STAG1: variants seen among roughly 807,000 people sequenced by gnomAD.
STAG1 encodes the protein cohesin subunit SA-1.
In STAG1, 26 loss-of-function variants were observed where a neutral mutation model predicts 170.9. The observed-to-expected ratio is 0.15, with a 90% confidence interval of 0.11 to 0.21. The LOEUF (loss-of-function observed/expected upper bound fraction) is 0.21. Among genes scored for constraint, STAG1 ranks in the 10% least tolerant of loss-of-function variants. STAG1 has a pLI of 1.00. For synonymous variants in STAG1, 514 were observed against 497.7 expected (o/e 1.03, Z -0.44); for missense variants, 964 against 1,509.5 (o/e 0.64, Z 5.99).
chr3:136,340,191 G>C (rs573296882), intron 32 of STAG1, among the ~76,000 whole-genome samples: 2 of 152,052 alleles, frequency 1.3e-5, no homozygotes, highest in African/African-American at 4.8e-5. Flanking sequence ...TTTCGCTCTT[G>C]TTGTCCAGGC....
intron 16 of STAG1, among the ~76,000 whole-genome samples, chr3:136,433,181 C>G (rs2088360141): frequency 6.6e-6 from 1 of 151,926 alleles, no homozygotes; most frequent in Non-Finnish European, 1.5e-5. Flanking sequence ...GATAAGGAAA[C>G]TAAGACATAC....
chr3:136,707,187 A>C (rs532293677), intron 1 of STAG1, among the ~76,000 whole-genome samples: 1 of 152,198 alleles, frequency 6.6e-6, no homozygotes, highest in African/African-American at 2.4e-5. Flanking sequence ...CCATGTACCT[A>C]AAGAAAAATT....
chr3:136,566,904 C>T (rs970778201), intron 5 of STAG1, among the ~76,000 whole-genome samples: 2 of 152,004 alleles, frequency 1.3e-5, no homozygotes, highest in Admixed American at 1.3e-4. Context: ...ATGCAATGAG[C>T]CTGTGTTTTT....
intron 1 of STAG1, among the ~76,000 whole-genome samples, chr3:136,688,433 T>C (rs532404727): frequency 4.6e-5 from 7 of 152,266 alleles, no homozygotes; most frequent in African/African-American, 1.7e-4. Flanking sequence ...AGAATCTCAC[T>C]CTGTTGCCAA....
chr3:136,340,831 T>C (rs553427728), intron 31 of STAG1, among the ~76,000 whole-genome samples: 2 of 152,288 alleles, frequency 1.3e-5, no homozygotes, highest in East Asian at 1.9e-4. Context: ...ATAATAACGG[T>C]TGTTAACATT....
In STAG1 at chr3:136,379,552, T is replaced by C. The variant is rs142562951; in HGVS notation, c.2278-1800A>G. Among the ~76,000 whole-genome samples, 979 of 152,022 alleles carry C rather than the reference T, an allele frequency of 6.4e-3. 12 individuals carry two copies. The highest frequency in any genetic ancestry group is 0.022 in the African/African-American group (930 of 41,466). On this transcript the variant is annotated intron_variant, in intron 22 of 33. Coordinates refer to ENST00000383202, the MANE Select transcript of STAG1 (RefSeq NM_005862.3). ...GATGAAACCCCGTCTCTATTAAAAA[T>C]AGAAAAATTAGCCGCGTGTGGTGGT...
At chr3:136,732,786 T>C (rs1311801316) in intron 1 of STAG1, among the ~76,000 whole-genome samples, 1 of 151,976 alleles carries the variant, frequency 6.6e-6, no homozygotes, top group Non-Finnish European at 1.5e-5. Flanking sequence ...ATTTTTGTAT[T>C]TTCAGTAAAG....
chr3:136,504,005 G>T (rs968105958), intron 7 of STAG1, among the ~76,000 whole-genome samples: 5 of 152,128 alleles, frequency 3.3e-5, no homozygotes, highest in African/African-American at 1.2e-4. Context: ...CCAAAGTGCT[G>T]GGATTACAGG....
intron 28 of STAG1, among the ~76,000 whole-genome samples, chr3:136,353,703 G>C (rs953622624): frequency 6.6e-6 from 1 of 152,186 alleles, no homozygotes; most frequent in African/African-American, 2.4e-5. Flanking sequence ...ACCCCTGAGA[G>C]AATCTGTTGC....
chr3:136,705,900 G>A (rs910542503), intron 1 of STAG1, among the ~76,000 whole-genome samples: 4 of 151,588 alleles, frequency 2.6e-5, no homozygotes, highest in Admixed American at 6.6e-5. Context: ...CCAGCATACC[G>A]AGAGGCCAAG....
intron 1 of STAG1, among the ~76,000 whole-genome samples, chr3:136,716,371 T>C (rs181072999): frequency 3.3e-5 from 5 of 150,030 alleles, no homozygotes; most frequent in East Asian, 4.0e-4. Flanking sequence ...GCTGAGACAG[T>C]AGAATTATTT....
intron 1 of STAG1, among the ~76,000 whole-genome samples, chr3:136,711,045 A>G (rs1943368272): frequency 6.6e-6 from 1 of 151,274 alleles, no homozygotes; most frequent in African/African-American, 2.4e-5. Flanking sequence ...CTGAAATCCC[A>G]CTTACAAAAA....
At chr3:136,551,208 TGA>T (rs57609965) in intron 5 of STAG1, among the ~76,000 whole-genome samples, 3,096 of 44,408 alleles carry the variant, frequency 0.07, 102 homozygotes, top group East Asian at 0.21. Context: ...TGAGAGAGAG[TGA>T]GAGAGAGAGA....
chr3:136,657,680 G>A (rs1490838329), intron 1 of STAG1, among the ~76,000 whole-genome samples: 2 of 152,134 alleles, frequency 1.3e-5, no homozygotes, highest in African/African-American at 4.8e-5. Context: ...AAATGAGCCA[G>A]GCATGATGGT....
chr3:136,379,958 A>G (rs1937857847), intron 22 of STAG1, among the ~76,000 whole-genome samples: 1 of 152,166 alleles, frequency 6.6e-6, no homozygotes, highest in Non-Finnish European at 1.5e-5. Context: ...CATATTCTAA[A>G]CACAATGGAG....
chr3:136,607,971 G>A (rs1939046487), intron 3 of STAG1, among the ~76,000 whole-genome samples: 1 of 152,066 alleles, frequency 6.6e-6, no homozygotes, highest in Admixed American at 6.6e-5. Flanking sequence ...ACTGCACACT[G>A]GTTGGCCGGG....
chr3:136,607,847 T>C (rs1939040820), intron 3 of STAG1, among the ~76,000 whole-genome samples: 2 of 152,372 alleles, frequency 1.3e-5, no homozygotes, highest in South Asian at 4.1e-4. Context: ...GGCTACTTAC[T>C]GGCACAAGAT....
At chr3:136,429,598 G>A (rs1440701317) in intron 16 of STAG1, among the ~76,000 whole-genome samples, 3 of 152,192 alleles carry the variant, frequency 2.0e-5, no homozygotes, top group Non-Finnish European at 1.5e-5. Context: ...ACAGACCCTT[G>A]TATTACGTGG....
intron 1 of STAG1, among the ~76,000 whole-genome samples, chr3:136,645,086 G>A (rs1019437876): frequency 6.6e-5 from 10 of 152,150 alleles, no homozygotes; most frequent in Non-Finnish European, 1.2e-4. Context: ...CACCTCTACT[G>A]GCTAAATAGT....
Sources: allele counts gnomAD v4.1 joint callset (sites outside exome capture counted in the v4.1 genomes callset), GRCh38; gene constraint gnomAD v4.1.1; transcripts MANE v1.5; gene names NCBI Gene and HGNC (gene_info 2026-07-23, HGNC 2026-07-21).